PARVB: variants seen among roughly 807,000 people sequenced by gnomAD.
PARVB encodes parvin beta, also known as beta-parvin.
A neutral mutation model predicts 47.0 loss-of-function variants in PARVB; 46 were observed. That is an observed-to-expected ratio of 0.98 (90% CI 0.77 to 1.25). PARVB has a LOEUF of 1.25. Ranked by LOEUF, PARVB falls within the 50% of genes most tolerant of loss-of-function variation. The pLI, the probability that PARVB is intolerant of heterozygous loss-of-function variation, is 0.00. For missense variants in PARVB, 473 were observed against 471.6 expected (o/e 1.00, Z -0.03); for synonymous variants, 196 against 196.3 (o/e 1.00, Z 0.01).
chr22:44,116,352 G>GT (rs1192024599), intron 3 of PARVB: 1 of 152,258 alleles, frequency 6.6e-6, no homozygotes, highest in African/African-American at 2.4e-5. Context: ...GTCATCACCT[G>GT]TGCAGGCGTG....
At chr22:44,156,425 ATG>A (rs1339125995) in intron 10 of PARVB, among the ~76,000 whole-genome samples, 16 of 151,806 alleles carry the variant, frequency 1.1e-4, no homozygotes, top group African/African-American at 2.4e-5. Context: ...GATTACAGGC[ATG>A]CACCACCACA....
rs980635333 is a variant in PARVB, at chr22:44,172,493, C to G, written c.*3815C>G. The G allele has an allele frequency of 6.1e-6, 1 of 162,828 alleles. No individual in the cohort carries two copies. The highest frequency in any genetic ancestry group is 1.4e-5 in the Non-Finnish European group (1 of 73,400). The allele number at this position is 162,828 out of a possible 1,614,324, so 10.1% of individuals were successfully genotyped here. ...GGGCAGGAAGGTATTTGCTGATTCT[C>G]CTTCTCCATGTGACGTGTCTCTCAA... is the stretch of plus-strand genomic sequence containing the variant. On this transcript the variant is annotated 3_prime_UTR_variant, in exon 13 of 13. Transcript: ENST00000338758.
chr22:44,153,227 T>C (rs866747231), intron 10 of PARVB: 1 of 152,242 alleles, frequency 6.6e-6, no homozygotes, highest in African/African-American at 2.4e-5. Context: ...AAAGTAAAAA[T>C]CTTCCTTTCT....
intron 4 of PARVB, among the ~76,000 whole-genome samples, chr22:44,128,568 C>T (rs898894632): frequency 7.2e-5 from 11 of 152,244 alleles, no homozygotes; most frequent in Non-Finnish European, 1.6e-4. Context: ...GTCTCTGTTG[C>T]CTGCTGTTTC....
intron 3 of PARVB, chr22:44,111,340 C>G (rs2052690694): frequency 6.6e-6 from 1 of 151,650 alleles, no homozygotes; most frequent in Non-Finnish European, 1.5e-5. Flanking sequence ...TTAATGCAGA[C>G]CCTACATATT....
chr22:44,055,194 T>G (rs1423946914), intron 1 of PARVB, among the ~76,000 whole-genome samples: 1 of 152,110 alleles, frequency 6.6e-6, no homozygotes, highest in Non-Finnish European at 1.5e-5. Flanking sequence ...TAACATTACC[T>G]GTTCCCCGAG....
chr22:44,156,996 C>T (rs932108613), intron 10 of PARVB, among the ~76,000 whole-genome samples: 1 of 152,112 alleles, frequency 6.6e-6, no homozygotes, highest in South Asian at 2.1e-4. Flanking sequence ...CTGGCCTGTG[C>T]GCTTACACAC....
At chr22:44,149,252 G>A (rs917115841) in intron 9 of PARVB, 3 of 152,142 alleles carry the variant, frequency 2.0e-5, no homozygotes, top group Non-Finnish European at 4.4e-5. Flanking sequence ...TTCATCTCTC[G>A]GTAGATACCA....
chr22:44,043,241 C>G (rs1351454426), intron 1 of PARVB, among the ~76,000 whole-genome samples: 1 of 152,042 alleles, frequency 6.6e-6, no homozygotes, highest in Admixed American at 6.6e-5. Flanking sequence ...GTTCCCAAAG[C>G]CTGGGGAAGG....
At chr22:44,123,043 G>A (rs76873553) in intron 4 of PARVB, among the ~76,000 whole-genome samples, 3,897 of 152,274 alleles carry the variant, frequency 0.026, 153 homozygotes, top group African/African-American at 0.089. Flanking sequence ...TGTAGAGGAA[G>A]GAATTCTCAA....
At chr22:44,037,804 C>T (rs779171738) in intron 1 of PARVB, among the ~76,000 whole-genome samples, 59 of 152,186 alleles carry the variant, frequency 3.9e-4, no homozygotes, top group African/African-American at 1.3e-3. Flanking sequence ...TAGGAAGACG[C>T]GCTAGAGGAG....
rs574350630 is a variant in PARVB at position 44,081,938 on chromosome 22, G to A, written c.113-11990G>A. On this transcript the variant is annotated intron_variant, in intron 1 of 12. Coordinates refer to ENST00000338758, the MANE Select transcript of PARVB (RefSeq NM_013327.5). ...TTGGAAGTACCCCCTGAAAGCCAGC[G>A]TGATGGGTTGGAGAAATGTGACAGA... 1.1e-4 allele frequency among the ~76,000 whole-genome samples: 17 copies of A among 152,336 alleles called. No individual in the cohort carries two copies. The South Asian group carries it at 1.9e-3, about 17-fold the overall frequency.
At chr22:44,099,373 C>T (rs1403051925) in intron 2 of PARVB, among the ~76,000 whole-genome samples, 1 of 152,210 alleles carries the variant, frequency 6.6e-6, no homozygotes, top group African/African-American at 2.4e-5. Context: ...CCCGCCTCCC[C>T]ACTGTCTCCA....
intron 1 of PARVB, among the ~76,000 whole-genome samples, chr22:44,057,842 A>G (rs1198893746): frequency 6.6e-6 from 1 of 151,522 alleles, no homozygotes; most frequent in Non-Finnish European, 1.5e-5. Flanking sequence ...GCTTGCCTTG[A>G]GGGGAGGTTG....
chr22:44,037,971 C>G (rs1478604552), intron 1 of PARVB, among the ~76,000 whole-genome samples: 1 of 152,224 alleles, frequency 6.6e-6, no homozygotes, highest in Non-Finnish European at 1.5e-5. Flanking sequence ...AGCTCCAGCT[C>G]CCAGGTCTTC....
intron 1 of PARVB, among the ~76,000 whole-genome samples, chr22:44,055,565 C>A (rs5764486): frequency 6.6e-6 from 1 of 151,994 alleles, no homozygotes; most frequent in Non-Finnish European, 1.5e-5. Flanking sequence ...GATCTCCTGA[C>A]CTCGTGATCC....
rs901296894 is a variant in PARVB, at chr22:44,125,581, C to T, written c.377-5906C>T. Among the ~76,000 whole-genome samples the T allele has an allele frequency of 2.0e-5, 3 of 152,008 alleles. No individual in the cohort carries two copies. The highest frequency in any genetic ancestry group is 4.4e-5 in the Non-Finnish European group (3 of 68,008). On this transcript the variant is annotated intron_variant, in intron 4 of 12. Transcript: ENST00000338758. This position sits in a 1 kb window ranked among gnomAD's most constrained non-coding sequence, Gnocchi z 4.1. ...GGCGTTCTGGGCTGAGGCTCTAAAG[C>T]GAGAAAGAGCCTGTTGTGTTGGAGG...
intron 4 of PARVB, among the ~76,000 whole-genome samples, chr22:44,121,557 T>A (rs1311563218): frequency 2.9e-5 from 4 of 136,636 alleles, no homozygotes; most frequent in African/African-American, 8.0e-5. Context: ...GTGTCCTTTT[T>A]TAAAAAAAAA....
intron 8 of PARVB, 51 bp downstream of exon 8, chr22:44,140,194 C>A (rs1352810530): frequency 1.3e-6 from 2 of 1,587,348 alleles, no homozygotes; most frequent in Non-Finnish European, 1.7e-6. Context: ...AGGGCTCCCC[C>A]AGGAAGCTCC....
Sources: allele counts gnomAD v4.1 joint callset (sites outside exome capture counted in the v4.1 genomes callset), GRCh38; gene constraint gnomAD v4.1.1; non-coding constraint Gnocchi (gnomAD v3.1); transcripts MANE v1.5; gene names NCBI Gene and HGNC (gene_info 2026-07-23, HGNC 2026-07-21).